Variants in NPEPPS observed in about 807,000 individuals in gnomAD.
NPEPPS encodes aminopeptidase puromycin sensitive, also known as puromycin-sensitive aminopeptidase.
In NPEPPS, 14 loss-of-function variants were observed where a neutral mutation model predicts 115.5. The ratio of observed to expected loss-of-function variants is 0.12; its 90% confidence interval spans 0.08 to 0.19. The LOEUF (loss-of-function observed/expected upper bound fraction) is 0.19, where lower values mean the gene tolerates loss of function less well. NPEPPS is among the 10% of genes least tolerant of loss of function. The probability of loss-of-function intolerance (pLI) is 1.00; values close to 1 mark genes in which losing one functional copy is unlikely to be tolerated. For missense variants in NPEPPS, 523 were observed against 1,110.8 expected, an observed-to-expected ratio of 0.47 and a Z score of 7.52; for synonymous variants, 285 against 390.6, an observed-to-expected ratio of 0.73 and a Z score of 3.19.
chr17:47,545,838 C>T (rs1174175514), intron 1 of NPEPPS, 71 bp from the exon 2 acceptor site: 86 of 1,474,316 alleles, frequency 5.8e-5, no homozygotes, highest in Non-Finnish European at 1.4e-5. Context: ...TGTGCCAACA[C>T]ACCTGGCCAA....
chr17:47,615,145 T>C (rs1415209231), intron 19 of NPEPPS, among the ~76,000 whole-genome samples: 2 of 149,364 alleles, frequency 1.3e-5, no homozygotes, highest in Non-Finnish European at 3.0e-5. Context: ...TGGCACGATC[T>C]TGGCTCACTG....
intron 1 of NPEPPS, among the ~76,000 whole-genome samples, chr17:47,539,100 CTTTT>C (rs551077364): frequency 1.5e-5 from 2 of 135,454 alleles, no homozygotes; most frequent in African/African-American, 2.7e-5. Flanking sequence ...TCATCTAGGC[CTTTT>C]TTTTTTTTTT....
At chr17:47,612,320 T>G (rs1913921615) in intron 17 of NPEPPS, 140 bp from the exon 18 acceptor site, 1 of 758,730 alleles carries the variant, frequency 1.3e-6, no homozygotes, top group Non-Finnish European at 2.1e-6. Flanking sequence ...AAACGAGTAT[T>G]CTCTCAGGTA....
intron 14 of NPEPPS, among the ~76,000 whole-genome samples, chr17:47,601,112 G>A (rs1024988419): frequency 6.6e-5 from 10 of 152,170 alleles, no homozygotes; most frequent in South Asian, 2.1e-4. Flanking sequence ...GCACACACCT[G>A]TAGTCCCAGC....
chr17:47,594,289 C>A (rs1912701906), intron 12 of NPEPPS, among the ~76,000 whole-genome samples: 1 of 152,168 alleles, frequency 6.6e-6, no homozygotes, highest in African/African-American at 2.4e-5. Context: ...AAATACTTTA[C>A]ACTTAGGCTA....
chr17:47,605,427 G>A lies in NPEPPS; in HGVS notation c.1970G>A (p.Cys657Tyr), dbSNP rs1234335494. The A allele has an allele frequency of 1.2e-6, 2 of 1,610,304 alleles. No homozygotes were observed. The highest frequency in any genetic ancestry group is 1.7e-5 in the Admixed American group (1 of 59,438). The change falls in exon 17 of 23, where the codon TGT (cysteine) becomes TAT (tyrosine). Residue 657 changes from cysteine (C) to tyrosine (Y), a missense_variant. Physicochemically the swap from Cys to Tyr is radical, Grantham distance 194. Transcript: ENST00000322157. ...PNYTVWSDLSCNLGILSTLLS... is the reference protein window; with the variant it reads ...PNYTVWSDLSYNLGILSTLLS... ...TATACTGTATGGAGCGACCTGAGCT[G>A]TAACCTGGGGATTCTCTCAACTCTC... is the stretch of plus-strand genomic sequence containing the variant.
chr17:47,575,757 A>AC (rs980806707), intron 3 of NPEPPS, among the ~76,000 whole-genome samples: 3 of 151,904 alleles, frequency 2.0e-5, no homozygotes, highest in Non-Finnish European at 4.4e-5. Flanking sequence ...GGTGCCTGCC[A>AC]CCACGCCCAG....
chr17:47,570,402 A>G (rs547650813), intron 3 of NPEPPS, among the ~76,000 whole-genome samples: 114 of 152,216 alleles, frequency 7.5e-4, no homozygotes, highest in Non-Finnish European at 1.3e-3. Context: ...AGCCTGGGTG[A>G]TAGAGTGGGA....
intron 1 of NPEPPS, among the ~76,000 whole-genome samples, chr17:47,523,543 C>T (rs1404100115): frequency 6.6e-6 from 1 of 151,858 alleles, no homozygotes. Context: ...GCCTCAGCCT[C>T]CCAAGTAGCT....
chr17:47,598,820 G>A (rs1913026548), intron 13 of NPEPPS, among the ~76,000 whole-genome samples: 1 of 151,928 alleles, frequency 6.6e-6, no homozygotes, highest in Admixed American at 6.6e-5. Flanking sequence ...TTGTCTACAG[G>A]CACGGCCAAA....
intron 2 of NPEPPS, among the ~76,000 whole-genome samples, chr17:47,550,942 A>G (rs1456314795): frequency 6.6e-6 from 1 of 152,142 alleles, no homozygotes; most frequent in African/African-American, 2.4e-5. Flanking sequence ...TATACCAGAT[A>G]TAAGCAAATT....
Position 47,582,432 on chromosome 17 carries a change from A to T in NPEPPS, c.541-310A>T, listed in dbSNP as rs1470526307. Reference sequence around the variant, plus strand: ...CTGTTCTGTGCTGTGTTGTGTTAACATTATTGATTTGAAGGCATTTGCATT... The same window carrying T: ...CTGTTCTGTGCTGTGTTGTGTTAACTTTATTGATTTGAAGGCATTTGCATT... On this transcript the variant is annotated intron_variant, in intron 4 of 22. Coordinates refer to ENST00000322157, the MANE Select transcript of NPEPPS (RefSeq NM_006310.4). The T allele has an allele frequency of 1.1e-5, 4 of 356,058 alleles. No individual in the cohort carries two copies. The East Asian group carries it at 2.9e-4, about 25-fold the overall frequency. 22.1% of individuals were successfully genotyped at this position (356,058 alleles called of 1,614,324 possible).
intron 1 of NPEPPS, among the ~76,000 whole-genome samples, chr17:47,523,372 A>G (rs1907296324): frequency 6.7e-6 from 1 of 148,316 alleles, no homozygotes; most frequent in African/African-American, 2.5e-5. Context: ...TCAACTTTTT[A>G]CTAGTCCTGC....
chr17:47,523,511 C>T (rs1455363056), intron 1 of NPEPPS, among the ~76,000 whole-genome samples: 2 of 151,826 alleles, frequency 1.3e-5, no homozygotes, highest in African/African-American at 2.4e-5. Context: ...AACTCCACCT[C>T]CTGGGTTGAA....
intron 2 of NPEPPS, among the ~76,000 whole-genome samples, chr17:47,568,829 A>G (rs1911002943): frequency 6.6e-6 from 1 of 151,426 alleles, no homozygotes; most frequent in African/African-American, 2.4e-5. Context: ...CTAGTTTTGT[A>G]TTTTTAGTAG....
chr17:47,601,539 A>G lies in NPEPPS; in HGVS notation c.1601-69A>G, dbSNP rs1278554974. The G allele has an allele frequency of 3.2e-6, 5 of 1,575,306 alleles. No individual in the cohort carries two copies. The African/African-American group carries it at 5.4e-5, about 17-fold the overall frequency. ...GGCTTAGGCTCCTGGTTAGAACACC[A>G]CCACTCCTCTCTCCACCTTACCTTC... On this transcript the variant is annotated intron_variant, in intron 14 of 22. Transcript: ENST00000322157.
intron 14 of NPEPPS, among the ~76,000 whole-genome samples, chr17:47,600,373 C>T (rs1393654427): frequency 6.6e-6 from 1 of 152,130 alleles, no homozygotes; most frequent in Non-Finnish European, 1.5e-5. Flanking sequence ...GAGATCGAGG[C>T]TGCAGTGAGC....
At chr17:47,533,868 A>G (rs1340210964) in intron 1 of NPEPPS, among the ~76,000 whole-genome samples, 2 of 152,206 alleles carry the variant, frequency 1.3e-5, no homozygotes, top group Non-Finnish European at 2.9e-5. Context: ...TTCAGGCTAG[A>G]TGGCAACACA....
chr17:47,555,061 G>C (rs906986296), intron 2 of NPEPPS, among the ~76,000 whole-genome samples: 3 of 152,116 alleles, frequency 2.0e-5, no homozygotes, highest in African/African-American at 7.2e-5. Flanking sequence ...GCAGATAAGG[G>C]GGGACTTGTC....
Sources: gnomAD v4.1 joint callset for allele counts (sites outside exome capture counted in the v4.1 genomes callset) on GRCh38, gnomAD v4.1.1 for gene constraint, MANE v1.5 for transcripts, NCBI Gene and HGNC (gene_info 2026-07-23, HGNC 2026-07-21) for gene names.